Variants in NEURL1 observed in about 807,000 individuals in gnomAD.
The protein encoded by NEURL1 is neuralized E3 ubiquitin protein ligase 1, also known as E3 ubiquitin-protein ligase NEURL1.
A neutral mutation model predicts 41.2 loss-of-function variants in NEURL1; 26 were observed. That is an observed-to-expected ratio of 0.63 (90% CI 0.46 to 0.87). The LOEUF is 0.87. Among genes scored for constraint, NEURL1 ranks in the 40% least tolerant of loss-of-function variants. The probability of loss-of-function intolerance (pLI) is 0.00; values close to 1 mark genes in which losing one functional copy is unlikely to be tolerated. For missense variants in NEURL1, 761 were observed against 871.1 expected (o/e 0.87, Z 1.59); for synonymous variants, 400 against 402.3 (o/e 0.99, Z 0.07).
chr10:103,538,796 G>T (rs2034754196), intron 1 of NEURL1, among the ~76,000 whole-genome samples: 1 of 145,450 alleles, frequency 6.9e-6, no homozygotes, highest in Admixed American at 6.8e-5. Flanking sequence ...ACAGGGGCAT[G>T]CCACCTTGCC....
intron 1 of NEURL1, among the ~76,000 whole-genome samples, chr10:103,522,742 G>A (rs971881958): frequency 8.6e-5 from 13 of 151,858 alleles, no homozygotes; most frequent in Admixed American, 2.0e-4. Context: ...CAAAACACAC[G>A]AATTTGCATT....
At chr10:103,571,431 C>A in intron 2 of NEURL1, 70 bp from the exon 3 acceptor site, 1 of 1,468,420 alleles carries the variant, frequency 6.8e-7, no homozygotes, top group Non-Finnish European at 9.1e-7. Context: ...GAGTCCACCG[C>A]AGGGAGGCTG....
chr10:103,589,785 G>A, intron 5 of NEURL1, 125 bp downstream of exon 5: 5 of 1,319,926 alleles, frequency 3.8e-6, no homozygotes, highest in African/African-American at 1.5e-5. Context: ...TTGTTGGGGG[G>A]TGATTTCTGG....
chr10:103,575,155 C>T (rs1370803738), intron 3 of NEURL1, among the ~76,000 whole-genome samples: 1 of 152,036 alleles, frequency 6.6e-6, no homozygotes, highest in Non-Finnish European at 1.5e-5. Flanking sequence ...CTTCTCTTTC[C>T]TCTCCGCCCC....
intron 1 of NEURL1, among the ~76,000 whole-genome samples, chr10:103,522,453 C>CA (rs34864911): frequency 0.44 from 64,141 of 145,356 alleles, 14,009 homozygotes; most frequent in East Asian, 0.57. Flanking sequence ...ACTAATAATA[C>CA]AAAAAAAAAA....
intron 1 of NEURL1, among the ~76,000 whole-genome samples, chr10:103,544,760 G>A (rs540766828): frequency 6.6e-6 from 1 of 152,334 alleles, no homozygotes; most frequent in South Asian, 2.1e-4. Flanking sequence ...TTAGAGAAGG[G>A]AGGGGTTCCC....
Position 103,525,439 on chromosome 10 carries a change from C to A in NEURL1, c.85+30967C>A, listed in dbSNP as rs149937560. ...CATCACCTCGGCCCACTACAACCTCCTCCTCCTGGGTTCAAGCCATTCTCC... is the reference window on the plus strand; with the variant it reads ...CATCACCTCGGCCCACTACAACCTCATCCTCCTGGGTTCAAGCCATTCTCC... On this transcript the variant is annotated intron_variant, in intron 1 of 5. Coordinates refer to ENST00000369780, the MANE Select transcript of NEURL1 (RefSeq NM_004210.5). Among the ~76,000 whole-genome samples the A allele has an allele frequency of 8.0e-3, 1,207 of 151,574 alleles. 14 individuals are homozygous for A. Among genetic ancestry groups the A allele is most frequent in the African/African-American group, 0.028 (1,136 of 41,290 alleles).
chr10:103,534,180 A>T (rs79454709), intron 1 of NEURL1, among the ~76,000 whole-genome samples: 12 of 138,646 alleles, frequency 8.7e-5, no homozygotes, highest in African/African-American at 8.0e-5. Flanking sequence ...GTCTATCTGT[A>T]TTTTTTTTTT....
chr10:103,586,815 G>A (rs896878492), intron 4 of NEURL1, among the ~76,000 whole-genome samples: 7 of 152,192 alleles, frequency 4.6e-5, no homozygotes, highest in Middle Eastern at 3.2e-3. Context: ...TAGAGAGGCC[G>A]AGGCAGATGT....
In NEURL1 at chr10:103,556,291, C is replaced by A. The variant is rs917494303; in HGVS notation, c.86-14581C>A. On this transcript the variant is annotated intron_variant, in intron 1 of 5. Coordinates refer to ENST00000369780, the MANE Select transcript of NEURL1 (RefSeq NM_004210.5). The surrounding 1 kb of genome is among the most constrained non-coding windows in gnomAD (Gnocchi z 4.4). ...CGATGTGGCAGCAGACCCGGAGAAG[C>A]CTTCCTAGGGACTTGTGTGTCTTCC... 1.3e-5 allele frequency among the ~76,000 whole-genome samples: 2 copies of A among 152,172 alleles called. No homozygotes were observed. Among genetic ancestry groups the A allele is most frequent in the Non-Finnish European group, 2.9e-5 (2 of 68,008 alleles).
intron 1 of NEURL1, among the ~76,000 whole-genome samples, chr10:103,503,788 CTTTTTTTTT>C (rs56098530): frequency 1.8e-5 from 2 of 110,586 alleles, no homozygotes; most frequent in African/African-American, 7.0e-5. Flanking sequence ...CTCCCCCTGG[CTTTTTTTTT>C]TTTTTTTTTT....
chr10:103,587,051 GAAAA>G lies in NEURL1; in HGVS notation c.1339+1827_1339+1830del, dbSNP rs571079855. Reference sequence around the variant, plus strand: ...GGGCAACAGTGAGATTCCATCTCAAGAAAAGAAAGAGAGAGAGAGAAAGAAAGAG... The same window carrying G: ...GGGCAACAGTGAGATTCCATCTCAAGGAAAGAGAGAGAGAGAAAGAAAGAG... On this transcript the variant is annotated intron_variant, in intron 4 of 5. Transcript: ENST00000369780. 3.6e-3 allele frequency among the ~76,000 whole-genome samples: 536 copies of G among 150,380 alleles called. 3 individuals are homozygous for G. The highest frequency in any genetic ancestry group is 0.013 in the African/African-American group (520 of 40,092).
At position 103,566,781 on chromosome 10, in the gene NEURL1, A is replaced by G. The variant is rs1184828310; in HGVS notation, c.86-4091A>G. 2.6e-5 allele frequency among the ~76,000 whole-genome samples: 4 copies of G among 152,160 alleles called. No homozygotes were observed. The highest frequency in any genetic ancestry group is 5.9e-5 in the Non-Finnish European group (4 of 68,036). On this transcript the variant is annotated intron_variant, in intron 1 of 5. Transcript: ENST00000369780. The surrounding 1 kb of genome is among the most constrained non-coding windows in gnomAD (Gnocchi z 4.2). The stretch of plus-strand genomic sequence containing the variant: ...GAGAAACTGCCAAACCATTCTCAAC[A>G]CTGGCTTTCCAGGTTGTGTCGTGTC...
chr10:103,579,816 C>T (rs2035747001), intron 3 of NEURL1, among the ~76,000 whole-genome samples: 1 of 152,094 alleles, frequency 6.6e-6, no homozygotes, highest in Non-Finnish European at 1.5e-5. Flanking sequence ...GTGGTGTGCA[C>T]CTGTAGTCCC....
At chr10:103,534,283 G>A (rs1049854134) in intron 1 of NEURL1, among the ~76,000 whole-genome samples, 1 of 151,182 alleles carries the variant, frequency 6.6e-6, no homozygotes, top group Non-Finnish European at 1.5e-5. Context: ...TTACTAGTGA[G>A]TTATTATGTT....
chr10:103,510,316 C>T (rs142415012), intron 1 of NEURL1, among the ~76,000 whole-genome samples: 181 of 152,340 alleles, frequency 1.2e-3, no homozygotes, highest in African/African-American at 4.2e-3. Context: ...CGTAGACACC[C>T]ACGGCCACTG....
In NEURL1 at chr10:103,556,159, G is replaced by A. The variant is rs538931758; in HGVS notation, c.86-14713G>A. On this transcript the variant is annotated intron_variant, in intron 1 of 5. Coordinates refer to ENST00000369780, the MANE Select transcript of NEURL1 (RefSeq NM_004210.5). The surrounding 1 kb of genome is among the most constrained non-coding windows in gnomAD (Gnocchi z 4.4). ...ACAGCCTGGAGCTGGAGGGGTTAAA[G>A]AGAGGGGGCCACTGGCTGGCTCCCC... Among the ~76,000 whole-genome samples the A allele has an allele frequency of 8.5e-5, 13 of 152,362 alleles. No individual in the cohort carries two copies. Among genetic ancestry groups the A allele is most frequent in the Non-Finnish European group, 1.6e-4 (11 of 68,028 alleles).
At chr10:103,519,281 CTT>C (rs1433164693) in intron 1 of NEURL1, among the ~76,000 whole-genome samples, 1 of 151,670 alleles carries the variant, frequency 6.6e-6, no homozygotes, top group South Asian at 2.1e-4. Flanking sequence ...GAAAAAAACA[CTT>C]TTTTAAAAAA....
At chr10:103,507,469 G>A (rs572307256) in intron 1 of NEURL1, among the ~76,000 whole-genome samples, 7 of 152,188 alleles carry the variant, frequency 4.6e-5, no homozygotes, top group East Asian at 1.9e-4. Flanking sequence ...AGATTGACTC[G>A]GGAGATACTT....
Sources: allele counts gnomAD v4.1 joint callset (sites outside exome capture counted in the v4.1 genomes callset), GRCh38; gene constraint gnomAD v4.1.1; non-coding constraint Gnocchi (gnomAD v3.1); transcripts MANE v1.5; gene names NCBI Gene and HGNC (gene_info 2026-07-23, HGNC 2026-07-21).